CDH13: variants seen among roughly 807,000 people sequenced by gnomAD.
CDH13 encodes cadherin 13.
In CDH13, 24 loss-of-function variants were observed where a neutral mutation model predicts 63.8. The ratio of observed to expected loss-of-function variants is 0.38; its 90% CI spans 0.27 to 0.53. The LOEUF (loss-of-function observed/expected upper bound fraction) is 0.53, where lower values mean the gene tolerates loss of function less well. Ranked by LOEUF, CDH13 falls within the 20% of genes least tolerant of loss-of-function variation. CDH13 has a pLI of 0.85. For missense variants in CDH13, 1,049 were observed against 903.1 expected, an observed-to-expected ratio of 1.16 and a Z score of -2.07; for synonymous variants, 503 against 355.3, an observed-to-expected ratio of 1.42 and a Z score of -4.67.
chr16:82,855,749 G>T (rs1208562246), intron 1 of CDH13, among the ~76,000 whole-genome samples: 1 of 152,126 alleles, frequency 6.6e-6, no homozygotes, highest in Non-Finnish European at 1.5e-5. Flanking sequence ...AGATGATGTT[G>T]GTCAGGGTGA....
At position 82,979,983 on chromosome 16, in the gene CDH13, T is replaced by G. The variant is rs112651198; in HGVS notation, c.158-52027T>G. ...AGCCCATAGATGACTCACTGAAATT[T>G]AATCATTAATGGAATATTTTATAAA... On this transcript the variant is annotated intron_variant, in intron 2 of 13. Transcript: ENST00000567109. 3.3e-3 allele frequency among the ~76,000 whole-genome samples: 495 copies of G among 152,302 alleles called. 2 individuals carry two copies. Among genetic ancestry groups the G allele is most frequent in the African/African-American group, 0.011 (477 of 41,556 alleles).
At chr16:83,515,138 A>C (rs914570778) in intron 7 of CDH13, among the ~76,000 whole-genome samples, 2 of 152,014 alleles carry the variant, frequency 1.3e-5, no homozygotes, top group Non-Finnish European at 2.9e-5. Flanking sequence ...ACGTCATTCC[A>C]TGTTTCTGAG....
intron 2 of CDH13, among the ~76,000 whole-genome samples, chr16:83,019,552 G>A (rs1407660783): frequency 4.9e-5 from 7 of 143,378 alleles, no homozygotes; most frequent in Non-Finnish European, 7.5e-5. Context: ...CTAGAGTACC[G>A]TGGCCCGATC....
At chr16:82,837,565 G>A (rs1037315602) in intron 1 of CDH13, among the ~76,000 whole-genome samples, 5 of 152,154 alleles carry the variant, frequency 3.3e-5, no homozygotes, top group African/African-American at 7.2e-5. Context: ...GCCTGTGAGC[G>A]AAGTCCGGAG....
chr16:83,659,760 A>G (rs1049494236), intron 8 of CDH13, among the ~76,000 whole-genome samples: 1 of 149,848 alleles, frequency 6.7e-6, no homozygotes, highest in Non-Finnish European at 1.5e-5. Flanking sequence ...AAAGGTACCC[A>G]TGAGTTAGAG....
intron 1 of CDH13, among the ~76,000 whole-genome samples, chr16:82,776,909 G>GC (rs1231480848): frequency 6.6e-6 from 1 of 152,190 alleles, no homozygotes; most frequent in African/African-American, 2.4e-5. Context: ...GAGTCATCAA[G>GC]CTAACAGTCA....
At chr16:83,117,121 G>T (rs1186469715) in intron 3 of CDH13, among the ~76,000 whole-genome samples, 1 of 152,204 alleles carries the variant, frequency 6.6e-6, no homozygotes, top group African/African-American at 2.4e-5. Context: ...CCACAAAGCA[G>T]CTATGATCTG....
chr16:82,936,210 A>C (rs556431350), intron 2 of CDH13, among the ~76,000 whole-genome samples: 2 of 152,090 alleles, frequency 1.3e-5, no homozygotes, highest in Middle Eastern at 3.2e-3. Context: ...TTGCTTGTCT[A>C]TGTCTGCAGC....
At chr16:83,720,928 C>T (rs1363097947) in intron 10 of CDH13, among the ~76,000 whole-genome samples, 2 of 152,200 alleles carry the variant, frequency 1.3e-5, no homozygotes, top group Non-Finnish European at 2.9e-5. Flanking sequence ...TCTGGCAGAG[C>T]ATTCCTCGGT....
At chr16:82,723,789 A>C (rs974844827) in intron 1 of CDH13, among the ~76,000 whole-genome samples, 1 of 152,182 alleles carries the variant, frequency 6.6e-6, no homozygotes, top group Non-Finnish European at 1.5e-5. Flanking sequence ...ACCTTGAGTA[A>C]TCAGAGTTAA....
At chr16:82,955,426 C>G (rs769996612) in intron 2 of CDH13, among the ~76,000 whole-genome samples, 7 of 152,180 alleles carry the variant, frequency 4.6e-5, no homozygotes, top group Non-Finnish European at 1.0e-4. Context: ...ATGATTAATA[C>G]TTTAGCTTCA....
At chr16:83,704,560 C>T (rs536234176) in intron 10 of CDH13, among the ~76,000 whole-genome samples, 35 of 152,280 alleles carry the variant, frequency 2.3e-4, no homozygotes, top group African/African-American at 7.9e-4. Flanking sequence ...TATAGTCTGC[C>T]CACAGCCCCG....
At chr16:83,254,949 CTCTTTCTTTCTT>C (rs11269178) in intron 5 of CDH13, among the ~76,000 whole-genome samples, 1 of 6,728 alleles carries the variant, frequency 1.5e-4, no homozygotes, top group African/African-American at 1.8e-4. Context: ...TTTTCTTTTT[CTCTTTCTTTCTT>C]TCTTTCTTTC....
At chr16:82,830,282 G>C (rs2038474209) in intron 1 of CDH13, among the ~76,000 whole-genome samples, 1 of 152,172 alleles carries the variant, frequency 6.6e-6, no homozygotes, top group East Asian at 1.9e-4. Context: ...TCAAAAATAT[G>C]TGTTTGAATG....
At chr16:83,372,731 A>AC (rs1478409162) in intron 6 of CDH13, among the ~76,000 whole-genome samples, 7 of 143,876 alleles carry the variant, frequency 4.9e-5, no homozygotes, top group African/African-American at 1.8e-4. Context: ...CAGCCTGGTG[A>AC]CAGAGCGAGA....
intron 8 of CDH13, among the ~76,000 whole-genome samples, chr16:83,656,454 C>T (rs1912878219): frequency 6.6e-6 from 1 of 152,072 alleles, no homozygotes; most frequent in Admixed American, 6.6e-5. Context: ...GGATACAGGG[C>T]AGAGTCCAGG....
intron 6 of CDH13, among the ~76,000 whole-genome samples, chr16:83,346,459 A>G (rs1166792602): frequency 6.6e-6 from 1 of 152,216 alleles, no homozygotes. Context: ...CAGAACAGAA[A>G]AATGATTCCC....
intron 8 of CDH13, among the ~76,000 whole-genome samples, chr16:83,607,010 G>T (rs1242622037): frequency 6.6e-6 from 1 of 151,922 alleles, no homozygotes; most frequent in African/African-American, 2.4e-5. Flanking sequence ...TCCCTTACCT[G>T]TAAGGGAGGC....
chr16:83,322,013 G>C (rs1376477447), intron 5 of CDH13, among the ~76,000 whole-genome samples: 1 of 152,320 alleles, frequency 6.6e-6, no homozygotes, highest in East Asian at 1.9e-4. Context: ...AGCTGTGCAA[G>C]GCCACTGGAG....
Sources: allele counts gnomAD v4.1 joint callset (sites outside exome capture counted in the v4.1 genomes callset), GRCh38; gene constraint gnomAD v4.1.1; transcripts MANE v1.5; gene names NCBI Gene and HGNC (gene_info 2026-07-23, HGNC 2026-07-21).